The following UBE2U variants were observed in gnomAD, a reference collection of about 807,000 sequenced individuals.
The protein encoded by UBE2U is ubiquitin-conjugating enzyme E2 U.
In UBE2U, 39 loss-of-function variants were observed where a neutral mutation model predicts 41.2. The ratio of observed to expected loss-of-function variants is 0.95; its 90% CI spans 0.73 to 1.24. The LOEUF (loss-of-function observed/expected upper bound fraction) is 1.24, where lower values mean the gene tolerates loss of function less well. Among genes scored for constraint, UBE2U ranks in the 50% most tolerant of loss-of-function variants. The pLI is 0.00. For missense variants in UBE2U, 336 were observed against 363.1 expected (o/e 0.93, Z 0.61); for synonymous variants, 107 against 117.8 (o/e 0.91, Z 0.60).
intron 7 of UBE2U, 101 bp from the exon 8 acceptor site, chr1:64,241,551 A>T: frequency 1.3e-6 from 1 of 791,790 alleles, no homozygotes; most frequent in Non-Finnish European, 2.0e-6. Flanking sequence ...TGTTATTGCC[A>T]CATATCAAGT....
intron 7 of UBE2U, among the ~76,000 whole-genome samples, chr1:64,240,729 T>C (rs1201833869): frequency 1.3e-5 from 2 of 152,182 alleles, no homozygotes; most frequent in Non-Finnish European, 2.9e-5. Context: ...TTCTTCATTA[T>C]TGTTGCTCAA....
intron 9 of UBE2U, among the ~76,000 whole-genome samples, chr1:64,264,465 A>G (rs1645223344): frequency 1.3e-5 from 2 of 152,190 alleles, no homozygotes; most frequent in South Asian, 4.1e-4. Flanking sequence ...TATGTTCTAA[A>G]GAAACATTTC....
chr1:64,264,778 C>A (rs759676785), intron 9 of UBE2U, among the ~76,000 whole-genome samples: 1 of 151,988 alleles, frequency 6.6e-6, no homozygotes, highest in Non-Finnish European at 1.5e-5. Context: ...CATGGTAAAA[C>A]CCCATCCCTA....
At chr1:64,206,956 T>C in intron 3 of UBE2U, 100 bp downstream of exon 3, 1 of 762,238 alleles carries the variant, frequency 1.3e-6, no homozygotes, top group Non-Finnish European at 2.1e-6. Flanking sequence ...ATTATGATTC[T>C]AAAAGTAAGA....
At position 64,239,086 on chromosome 1, in the gene UBE2U, G is replaced by GAA. The variant is rs1644735040; in HGVS notation, c.596-2566_596-2565insAA. On this transcript the variant is annotated intron_variant, in intron 7 of 9. Transcript: ENST00000371077. ...AAGAAGAGGAAGAGGAAGAGGAAGA[G>GAA]GAAGAGGAAGAAGAAGAAGAAGAAG... Among the ~76,000 whole-genome samples the GAA allele has an allele frequency of 1.1e-3, 47 of 44,152 alleles. 2 individuals are homozygous for GAA. The highest frequency in any genetic ancestry group is 1.4e-3 in the Non-Finnish European group (30 of 22,142). The allele number at this position is 44,152 out of a possible 152,430, so 29.0% of individuals were successfully genotyped here.
chr1:64,241,540 A>G (rs961281354), intron 7 of UBE2U, 112 bp from the exon 8 acceptor site: 6 of 723,384 alleles, frequency 8.3e-6, no homozygotes, highest in African/African-American at 1.8e-5. Flanking sequence ...TATATAGTGC[A>G]TGTTATTGCC....
intron 9 of UBE2U, among the ~76,000 whole-genome samples, chr1:64,260,905 T>A (rs1373994653): frequency 6.6e-6 from 1 of 152,110 alleles, no homozygotes; most frequent in Non-Finnish European, 1.5e-5. Context: ...CAGAATTGAG[T>A]TACTTATATT....
At chr1:64,252,607 A>G (rs895565079) in intron 8 of UBE2U, among the ~76,000 whole-genome samples, 2 of 152,168 alleles carry the variant, frequency 1.3e-5, no homozygotes, top group Non-Finnish European at 2.9e-5. Context: ...AAGTACAGGA[A>G]AAGCAGAGGC....
intron 5 of UBE2U, chr1:64,215,352 G>A (rs796734047): frequency 6.3e-6 from 1 of 159,012 alleles, no homozygotes; most frequent in South Asian, 1.8e-4. Flanking sequence ...AATATTTTCT[G>A]TATCCATTTT....
chr1:64,239,164 AAGAAGAAGAAGAAGAAGAAG>A (rs1644775183), intron 7 of UBE2U, among the ~76,000 whole-genome samples: 9 of 84,356 alleles, frequency 1.1e-4, no homozygotes, highest in Admixed American at 8.0e-4. Flanking sequence ...AAGAAAGAAG[AAGAAGAAGAAGAAGAAGAAG>A]AAGAAGAAAG....
intron 9 of UBE2U, among the ~76,000 whole-genome samples, chr1:64,263,480 C>T (rs988253027): frequency 3.3e-5 from 5 of 152,152 alleles, no homozygotes; most frequent in Non-Finnish European, 5.9e-5. Flanking sequence ...CCCACGTTTC[C>T]CAGCCATTCC....
intron 3 of UBE2U, among the ~76,000 whole-genome samples, chr1:64,207,467 A>T (rs903269937): frequency 6.6e-6 from 1 of 152,208 alleles, no homozygotes; most frequent in African/African-American, 2.4e-5. Flanking sequence ...TTAAAACTAT[A>T]TGTCTTTTTT....
intron 7 of UBE2U, among the ~76,000 whole-genome samples, chr1:64,239,911 T>C (rs1385273091): frequency 6.6e-6 from 1 of 152,120 alleles, no homozygotes; most frequent in Non-Finnish European, 1.5e-5. Flanking sequence ...GGTCAAGTGG[T>C]ATTTCTAGTT....
chr1:64,239,150 GAA>G (rs1426669480), intron 7 of UBE2U, among the ~76,000 whole-genome samples: 2 of 28,440 alleles, frequency 7.0e-5, no homozygotes, highest in Admixed American at 7.7e-4. Context: ...AGAAGAAGAA[GAA>G]GAAGAAAGAA....
chr1:64,214,404 A>G (rs1027547307), intron 4 of UBE2U, among the ~76,000 whole-genome samples: 3 of 152,232 alleles, frequency 2.0e-5, no homozygotes, highest in Non-Finnish European at 2.9e-5. Flanking sequence ...TTCTTTCTTG[A>G]TAACAAATTA....
chr1:64,247,487 C>T (rs796836508), intron 8 of UBE2U, among the ~76,000 whole-genome samples: 2 of 152,176 alleles, frequency 1.3e-5, no homozygotes, highest in East Asian at 1.9e-4. Context: ...GAGACTAATG[C>T]CTTCCCTTGG....
intron 8 of UBE2U, among the ~76,000 whole-genome samples, chr1:64,242,078 G>A (rs918211066): frequency 2.6e-5 from 4 of 151,186 alleles, no homozygotes; most frequent in Non-Finnish European, 5.9e-5. Flanking sequence ...AAAAAGAAAA[G>A]CAAAAAACTA....
chr1:64,257,774 A>T (rs1351398401), intron 8 of UBE2U, among the ~76,000 whole-genome samples: 1 of 152,136 alleles, frequency 6.6e-6, no homozygotes, highest in Non-Finnish European at 1.5e-5. Flanking sequence ...TGAACTTAAA[A>T]TAAAAGTTGA....
At chr1:64,246,073 T>C (rs564240203) in intron 8 of UBE2U, among the ~76,000 whole-genome samples, 3 of 152,212 alleles carry the variant, frequency 2.0e-5, no homozygotes, top group Non-Finnish European at 4.4e-5. Context: ...GTGTACATTT[T>C]GTGAAAAAGT....
Sources: gnomAD v4.1 joint callset for allele counts (sites outside exome capture counted in the v4.1 genomes callset) on GRCh38, gnomAD v4.1.1 for gene constraint, MANE v1.5 for transcripts, NCBI Gene and HGNC (gene_info 2026-07-23, HGNC 2026-07-21) for gene names.